Variants in IL3RA observed in about 807,000 individuals in gnomAD.
IL3RA encodes interleukin 3 receptor subunit alpha.
A neutral mutation model predicts 52.3 loss-of-function variants in IL3RA; 73 were observed. The observed-to-expected ratio is 1.40, with a 90% CI of 1.16 to 1.70. The LOEUF (loss-of-function observed/expected upper bound fraction) is 1.70, where lower values mean the gene tolerates loss of function less well. IL3RA is among the 40% of genes most tolerant of loss of function. The pLI is 0.00. For synonymous variants in IL3RA, 260 were observed against 194.0 expected, an observed-to-expected ratio of 1.34 and a Z score of -2.83; for missense variants, 664 against 504.4, an observed-to-expected ratio of 1.32 and a Z score of -3.03.
intron 1 of IL3RA, among the ~76,000 whole-genome samples, chrX:1,340,978 A>G (rs139268993): frequency 0.011 from 1,649 of 152,196 alleles, 38 homozygotes; most frequent in African/African-American, 0.038. Context: ...TTAGCCGGAC[A>G]TGGTGGTGGG....
At chrX:1,353,760 T>C (rs2086344353) in intron 6 of IL3RA, among the ~76,000 whole-genome samples, 1 of 142,524 alleles carries the variant, frequency 7.0e-6, no homozygotes, top group African/African-American at 2.7e-5. Context: ...GGTTTCATCA[T>C]GGGTCATAGG....
chrX:1,356,390 T>G (rs2086716957), intron 7 of IL3RA, 54 bp downstream of exon 7: 1 of 1,174,040 alleles, frequency 8.5e-7, no homozygotes, highest in African/African-American at 1.5e-5. Context: ...TCCCTTATTT[T>G]TGGTAAGTCG....
rs1360424838 is a variant in IL3RA, at chrX:1,367,655, C to T, written c.874+2403C>T. On this transcript the variant is annotated intron_variant, in intron 9 of 11. Coordinates refer to ENST00000331035, the MANE Select transcript of IL3RA (RefSeq NM_002183.4). ...GGGTGCGCCGGGTGAGCCGGGTGCG[C>T]GGGGTGAGCCGGGTGCGCGGGGTGA... Among the ~76,000 whole-genome samples, 8 of 103,142 alleles carry T rather than the reference C, an allele frequency of 7.8e-5. No individual in the cohort carries two copies. In the South Asian group the frequency reaches 1.4e-3, roughly 18 times the overall value. The allele number at this position is 103,142 out of a possible 152,430, so 67.7% of individuals were successfully genotyped here.
chrX:1,352,440 G>A lies in IL3RA; in HGVS notation c.550G>A (p.Val184Met), dbSNP rs1294676919. 11 of 1,613,860 alleles carry A rather than the reference G, an allele frequency of 6.8e-6. No individual in the cohort carries two copies. The highest frequency in any genetic ancestry group is 3.3e-4 in the Middle Eastern group (2 of 6,056). Residue 184 changes from valine (V) to methionine (M), a missense_variant, in exon 6 of 12, where the codon GTG (valine) becomes ATG (methionine). Val to Met is a conservative substitution (Grantham distance 21). Coordinates refer to ENST00000331035, the MANE Select transcript of IL3RA (RefSeq NM_002183.4). ...CGGTTCTCAAAGTTCCCACATCCTG[G>A]TGCGGGGCAGGAGCGCAGCCTTCGG... ...SSGSQSSHIL[V>M]RGRSAAFGIP...
chrX:1,381,162 G>A (rs2089161690), intron 11 of IL3RA, 58 bp downstream of exon 11: 10 of 1,516,366 alleles, frequency 6.6e-6, no homozygotes, highest in Non-Finnish European at 9.2e-6. Flanking sequence ...ACTTTGGGAG[G>A]CCCAGGCGGG....
chrX:1,362,368 ACT>A (rs2087502902), intron 8 of IL3RA, among the ~76,000 whole-genome samples: 2 of 94,450 alleles, frequency 2.1e-5, no homozygotes, highest in African/African-American at 8.4e-5. Context: ...TCCATCACCT[ACT>A]CTGTCTCTTT....
At chrX:1,339,715 G>T (rs1244932699) in intron 1 of IL3RA, among the ~76,000 whole-genome samples, 1 of 151,978 alleles carries the variant, frequency 6.6e-6, no homozygotes, top group Non-Finnish European at 1.5e-5. Context: ...TCGCTTGAAC[G>T]TGGGAGGTGG....
chrX:1,377,165 T>A (rs1399522915), intron 9 of IL3RA, among the ~76,000 whole-genome samples: 1 of 152,176 alleles, frequency 6.6e-6, no homozygotes, highest in Non-Finnish European at 1.5e-5. Flanking sequence ...GCCCTGCCCA[T>A]GCCCATCTCT....
chrX:1,363,054 G>A (rs2087587885), intron 8 of IL3RA, among the ~76,000 whole-genome samples: 1 of 152,040 alleles, frequency 6.6e-6, no homozygotes, highest in Admixed American at 6.6e-5. Flanking sequence ...GGGATTACAG[G>A]TGTCAGCCAC....
rs1203359293 is a variant in IL3RA at position 1,348,692 on chromosome X, TTTTC to T, written c.298+157_298+160del. Reference sequence around the variant, plus strand: ...TTTCTTTCTTTCTTTCTTTCTTTCTTTTTCTTTCTTTCTGTTTCTGTTTCTTTCT... The same window carrying T: ...TTTCTTTCTTTCTTTCTTTCTTTCTTTTTCTTTCTGTTTCTGTTTCTTTCT... On this transcript the variant is annotated intron_variant, in intron 4 of 11. Coordinates refer to ENST00000331035, the MANE Select transcript of IL3RA (RefSeq NM_002183.4). The T allele has an allele frequency of 2.0e-4, 56 of 280,476 alleles. 1 individual carries two copies. In the Middle Eastern group the frequency reaches 3.2e-3, roughly 16 times the overall value. The allele number at this position is 280,476 out of a possible 1,614,324, so 17.4% of individuals were successfully genotyped here.
In IL3RA at chrX:1,358,899, C is replaced by T. The variant is rs1285584427; in HGVS notation, c.759+12C>T. On this transcript the variant is annotated intron_variant, in intron 8 of 11. Coordinates refer to ENST00000331035, the MANE Select transcript of IL3RA (RefSeq NM_002183.4). The stretch of plus-strand genomic sequence containing the variant: ...TAATCACAGAACAGGTGAGTGTTCC[C>T]TACCCCCAGCCGCTGTACTTGACAT... The T allele has an allele frequency of 6.2e-7, 1 of 1,610,132 alleles. No homozygotes were observed. The highest frequency in any genetic ancestry group is 8.5e-7 in the Non-Finnish European group (1 of 1,177,886).
chrX:1,352,280 C>T (rs1167948091), intron 5 of IL3RA, 42 bp from the exon 6 acceptor site: 2 of 1,613,090 alleles, frequency 1.2e-6, no homozygotes, highest in Non-Finnish European at 1.7e-6. Context: ...GTGCGGGTGC[C>T]ATCGGCGTGG....
At chrX:1,378,474 G>A (rs1403159601) in intron 9 of IL3RA, among the ~76,000 whole-genome samples, 185 bp from the exon 10 acceptor site, 2 of 152,150 alleles carry the variant, frequency 1.3e-5, no homozygotes, top group Admixed American at 6.5e-5. Context: ...GTACTCAGGT[G>A]GCCTGCAGGT....
At chrX:1,348,008 G>C (rs1432669768) in intron 3 of IL3RA, among the ~76,000 whole-genome samples, 2 of 138,978 alleles carry the variant, frequency 1.4e-5, no homozygotes, top group Admixed American at 1.5e-4. Flanking sequence ...CTGCACTCCA[G>C]CCTGGGCGAC....
chrX:1,349,246 A>C (rs1442838023), intron 4 of IL3RA, among the ~76,000 whole-genome samples: 16 of 148,928 alleles, frequency 1.1e-4, no homozygotes, highest in African/African-American at 3.7e-4. Context: ...CACTGGCGCG[A>C]TCTCGGCTCA....
At chrX:1,361,380 T>C (rs1489677370) in intron 8 of IL3RA, among the ~76,000 whole-genome samples, 1 of 152,130 alleles carries the variant, frequency 6.6e-6, no homozygotes, top group East Asian at 1.9e-4. Context: ...CAGTTCCATG[T>C]GGCTGGGGAG....
chrX:1,342,471 T>C (rs1325336160), intron 2 of IL3RA, among the ~76,000 whole-genome samples: 12 of 151,910 alleles, frequency 7.9e-5, no homozygotes, highest in Non-Finnish European at 1.8e-4. Context: ...CGGCCTTTTT[T>C]TTCATTGGTT....
intron 1 of IL3RA, among the ~76,000 whole-genome samples, chrX:1,337,765 C>T (rs6647010): frequency 0.091 from 7,147 of 78,776 alleles, 1 homozygote; most frequent in Middle Eastern, 0.25. Flanking sequence ...CATCTATAGA[C>T]GAATGGATAA....
intron 9 of IL3RA, among the ~76,000 whole-genome samples, chrX:1,377,156 C>G (rs2149204853): frequency 6.6e-6 from 1 of 152,332 alleles, no homozygotes; most frequent in South Asian, 2.1e-4. Context: ...GAGGAACCAG[C>G]CCTGCCCATG....
Sources: gnomAD v4.1 joint callset for allele counts (sites outside exome capture counted in the v4.1 genomes callset) on GRCh38, gnomAD v4.1.1 for gene constraint, MANE v1.5 for transcripts, NCBI Gene and HGNC (gene_info 2026-07-23, HGNC 2026-07-21) for gene names.